The following CYS1 variants were observed in gnomAD, a reference collection of about 807,000 sequenced individuals.
CYS1 encodes cystin 1.
In CYS1, 5 loss-of-function variants were observed where a neutral mutation model predicts 9.6. That is an observed-to-expected ratio of 0.52 (90% CI 0.27 to 1.10). The LOEUF (loss-of-function observed/expected upper bound fraction) is 1.10. CYS1 is among the 50% of genes least tolerant of loss of function. CYS1 has a pLI of 0.11. For missense variants in CYS1, 221 were observed against 207.9 expected, an observed-to-expected ratio of 1.06 and a Z score of -0.39; for synonymous variants, 88 against 95.7, an observed-to-expected ratio of 0.92 and a Z score of 0.47.
chr2:10,058,901 G>GTGGTC lies in CYS1; in HGVS notation c.424_428dup (p.His143GlnfsTer8). On this transcript the variant is annotated frameshift_variant, in exon 3 of 3. Transcript: ENST00000381813. LOFTEE classifies it high-confidence loss of function. ...TGCTCGCCATCAGCCCCTCTTCCGAGTGGTCGTAGGAGATGGCTGCCGGCC... is the reference window on the plus strand; with the variant it reads ...TGCTCGCCATCAGCCCCTCTTCCGAGTGGTCTGGTCGTAGGAGATGGCTGCCGGCC... 6.3e-7 allele frequency: 1 copy of GTGGTC among 1,596,008 alleles called. No individual in the cohort carries two copies. The highest frequency in any genetic ancestry group is 8.5e-7 in the Non-Finnish European group (1 of 1,171,836).
At chr2:10,073,534 T>A (rs368769300) in intron 1 of CYS1, among the ~76,000 whole-genome samples, 12 of 152,318 alleles carry the variant, frequency 7.9e-5, no homozygotes, top group Admixed American at 5.2e-4. Flanking sequence ...AAATGACAGC[T>A]GTCTGGCCAT....
At chr2:10,079,537 G>A (rs982204990) in intron 1 of CYS1, among the ~76,000 whole-genome samples, 1 of 152,096 alleles carries the variant, frequency 6.6e-6, no homozygotes, top group Non-Finnish European at 1.5e-5. Context: ...GGCGCGGCAG[G>A]GCGCTTCTGA....
intron 2 of CYS1, among the ~76,000 whole-genome samples, chr2:10,062,876 C>T (rs929760897): frequency 1.3e-5 from 2 of 152,212 alleles, no homozygotes; most frequent in African/African-American, 4.8e-5. Flanking sequence ...GCAGAATGAA[C>T]AGTAAGTGAA....
chr2:10,068,712 T>C (rs1460129807), intron 1 of CYS1, among the ~76,000 whole-genome samples: 1 of 152,220 alleles, frequency 6.6e-6, no homozygotes, highest in East Asian at 1.9e-4. Flanking sequence ...CAGTTTTTGG[T>C]TCATAAATAT....
rs192172817 is a variant in CYS1, at chr2:10,080,120, C to A, written c.104G>T (p.Arg35Leu). The change falls in exon 1 of 3, where the codon CGC becomes CTC. Residue 35 changes from arginine to leucine, a missense_variant. Physicochemically the swap from Arg to Leu is moderately radical, Grantham distance 102. Transcript: ENST00000381813. The surrounding 1 kb of genome is among the most constrained non-coding windows in gnomAD (Gnocchi z 6.4). ...PGAAALEGGT[R>L]RRVPVAAAEV... ...GGCCGCCGCCACCGGCACCCGCCGG[C>A]GGGTCCCGCCCTCCAGGGCTGCCGC... is the stretch of plus-strand genomic sequence containing the variant. 0.092 allele frequency: 94,757 copies of A among 1,026,970 alleles called. 4,892 individuals carry two copies. Among genetic ancestry groups the A allele is most frequent in the East Asian group, 0.18 (1,953 of 10,734 alleles). 63.6% of individuals were successfully genotyped at this position (1,026,970 alleles called of 1,614,324 possible).
rs2125285967 is a variant in CYS1, at chr2:10,057,725, G to A, written c.*1128C>T. On this transcript the variant is annotated 3_prime_UTR_variant, in exon 3 of 3. Coordinates refer to ENST00000381813, the MANE Select transcript of CYS1 (RefSeq NM_001037160.3). ...CTGCCGCCTGCCTCCTGCCTCCCTAGACCGCTGTTCTCCCCACAGCTCTCC... is the reference window on the plus strand; with the variant it reads ...CTGCCGCCTGCCTCCTGCCTCCCTAAACCGCTGTTCTCCCCACAGCTCTCC... The A allele has an allele frequency of 6.5e-6, 1 of 152,818 alleles. No homozygotes were observed. The highest frequency in any genetic ancestry group is 1.9e-4 in the East Asian group (1 of 5,198). 9.5% of individuals were successfully genotyped at this position (152,818 alleles called of 1,614,324 possible).
chr2:10,072,325 C>T (rs937863205), intron 1 of CYS1, among the ~76,000 whole-genome samples: 2 of 152,200 alleles, frequency 1.3e-5, no homozygotes, highest in African/African-American at 2.4e-5. Context: ...TCAGGTGATC[C>T]GCCTGCCTCG....
chr2:10,071,572 T>A (rs1346290763), intron 1 of CYS1, among the ~76,000 whole-genome samples: 1 of 152,256 alleles, frequency 6.6e-6, no homozygotes, highest in Non-Finnish European at 1.5e-5. Flanking sequence ...CCTGTGTTTT[T>A]CTCTGTGCCT....
At chr2:10,066,530 G>A (rs1381230165) in intron 1 of CYS1, among the ~76,000 whole-genome samples, 4 of 152,256 alleles carry the variant, frequency 2.6e-5, no homozygotes, top group South Asian at 2.1e-4. Context: ...TGTGGCTGCC[G>A]TGGATTCTAT....
chr2:10,074,975 G>A (rs1661822375), intron 1 of CYS1, among the ~76,000 whole-genome samples: 1 of 152,238 alleles, frequency 6.6e-6, no homozygotes, highest in Admixed American at 6.5e-5. Flanking sequence ...ACCTGGGCAT[G>A]GTGGCACATG....
chr2:10,076,573 T>C lies in CYS1; in HGVS notation c.318+3333A>G, dbSNP rs1661846782. On this transcript the variant is annotated intron_variant, in intron 1 of 2. Transcript: ENST00000381813. This position sits in a 1 kb window ranked among gnomAD's most constrained non-coding sequence, Gnocchi z 4.3. ...CCGCATATATCCCACCAAGCAGCAC[T>C]TCCAGCAGCTGAGCACGCCCTCCGT... Among the ~76,000 whole-genome samples the C allele has an allele frequency of 6.6e-6, 1 of 152,140 alleles. No homozygotes were observed. Among genetic ancestry groups the C allele is most frequent in the African/African-American group, 2.4e-5 (1 of 41,410 alleles).
intron 2 of CYS1, among the ~76,000 whole-genome samples, chr2:10,065,617 A>G (rs563526951): frequency 1.3e-5 from 2 of 152,310 alleles, no homozygotes; most frequent in African/African-American, 4.8e-5. Flanking sequence ...AATATTTTTG[A>G]ATGAGTTACA....
chr2:10,061,795 A>G (rs936538805), intron 2 of CYS1, among the ~76,000 whole-genome samples: 1 of 152,142 alleles, frequency 6.6e-6, no homozygotes, highest in Non-Finnish European at 1.5e-5. Context: ...ACACTCCACC[A>G]ACACCGTGGG....
Position 10,058,908 on chromosome 2 carries a change from T to C in CYS1, c.422A>G (p.Tyr141Cys), listed in dbSNP as rs1464375164. The C allele has an allele frequency of 1.3e-6, 2 of 1,596,366 alleles. No individual in the cohort carries two copies. Among genetic ancestry groups the C allele is most frequent in the Admixed American group, 1.7e-5 (1 of 58,068 alleles). ...CATCAGCCCCTCTTCCGAGTGGTCG[T>C]AGGAGATGGCTGCCGGCCTCTCGGG... Reference protein sequence around the residue: ...KKPERPAAISYDHSEEGLMAS... With the variant: ...KKPERPAAISCDHSEEGLMAS... The change falls in exon 3 of 3, where the codon TAC becomes TGC. Residue 141 changes from tyrosine (Y) to cysteine (C), a missense_variant. Coordinates refer to ENST00000381813, the MANE Select transcript of CYS1 (RefSeq NM_001037160.3).
In CYS1 at chr2:10,063,410, G is replaced by A. The variant is rs1464136665; in HGVS notation, c.371+2494C>T. 2.0e-5 allele frequency among the ~76,000 whole-genome samples: 3 copies of A among 152,172 alleles called. No individual in the cohort carries two copies. Among genetic ancestry groups the A allele is most frequent in the African/African-American group, 4.8e-5 (2 of 41,436 alleles). On this transcript the variant is annotated intron_variant, in intron 2 of 2. Coordinates refer to ENST00000381813, the MANE Select transcript of CYS1 (RefSeq NM_001037160.3). The surrounding 1 kb of genome is among the most constrained non-coding windows in gnomAD (Gnocchi z 4.2). ...CTGTGCTTTGAAGGGTTTCTTCTTC[G>A]ATATTTTATTATGAAAAATTTCAAA...
intron 1 of CYS1, among the ~76,000 whole-genome samples, chr2:10,068,859 C>A (rs1661729133): frequency 6.6e-6 from 1 of 152,064 alleles, no homozygotes; most frequent in East Asian, 1.9e-4. Context: ...GTCAGGAGTT[C>A]CAGACCAGCC....
At position 10,063,455 on chromosome 2, in the gene CYS1, TTG is replaced by T. The variant is rs1661654818; in HGVS notation, c.371+2447_371+2448del. ...TTCAAACATACTGAAAAGTTAAAATTTGTAGATTCAACAATTAAGTTCAACTT... is the reference window on the plus strand; with the variant it reads ...TTCAAACATACTGAAAAGTTAAAATTTAGATTCAACAATTAAGTTCAACTT... On this transcript the variant is annotated intron_variant, in intron 2 of 2. Coordinates refer to ENST00000381813, the MANE Select transcript of CYS1 (RefSeq NM_001037160.3). The surrounding 1 kb of genome is among the most constrained non-coding windows in gnomAD (Gnocchi z 4.2). 6.6e-6 allele frequency among the ~76,000 whole-genome samples: 1 copy of T among 152,234 alleles called. No homozygotes were observed. The highest frequency in any genetic ancestry group is 2.4e-5 in the African/African-American group (1 of 41,472).
intron 2 of CYS1, among the ~76,000 whole-genome samples, chr2:10,061,256 A>C (rs10171807): frequency 0.59 from 89,159 of 151,772 alleles, 26,774 homozygotes; most frequent in East Asian, 0.85. Flanking sequence ...AACCAACCAA[A>C]CAAACAAACA....
chr2:10,070,773 A>G (rs1382675162), intron 1 of CYS1, among the ~76,000 whole-genome samples: 3 of 151,906 alleles, frequency 2.0e-5, no homozygotes, highest in African/African-American at 7.3e-5. Flanking sequence ...CCTCCTGAGT[A>G]ACTGAAACTA....
Sources: allele counts gnomAD v4.1 joint callset (sites outside exome capture counted in the v4.1 genomes callset), GRCh38; gene constraint gnomAD v4.1.1; non-coding constraint Gnocchi (gnomAD v3.1); transcripts MANE v1.5; gene names NCBI Gene and HGNC (gene_info 2026-07-23, HGNC 2026-07-21).